Variants in CDH12 observed in about 807,000 individuals in gnomAD.
The protein encoded by CDH12 is cadherin 12.
A neutral mutation model predicts 74.1 loss-of-function variants in CDH12; 41 were observed. The ratio of observed to expected loss-of-function variants is 0.55; its 90% CI spans 0.43 to 0.72. The LOEUF (loss-of-function observed/expected upper bound fraction) is 0.72. CDH12 is among the 30% of genes least tolerant of loss of function. The pLI is 0.00. For missense variants in CDH12, 945 were observed against 977.2 expected, an observed-to-expected ratio of 0.97 and a Z score of 0.44; for synonymous variants, 399 against 355.0, an observed-to-expected ratio of 1.12 and a Z score of -1.39.
intron 1 of CDH12, among the ~76,000 whole-genome samples, chr5:22,759,536 C>G (rs1746100420): frequency 1.3e-5 from 2 of 152,172 alleles, no homozygotes; most frequent in Non-Finnish European, 2.9e-5. Flanking sequence ...ACCATCTCCT[C>G]TCTAGCCCCT....
intron 4 of CDH12, among the ~76,000 whole-genome samples, chr5:22,130,640 A>C (rs1363174888): frequency 6.6e-6 from 1 of 151,880 alleles, no homozygotes; most frequent in African/African-American, 2.4e-5. Flanking sequence ...CTTACTAGAC[A>C]TCATCTGTAA....
At chr5:22,830,569 T>A (rs1736554782) in intron 1 of CDH12, among the ~76,000 whole-genome samples, 3 of 151,828 alleles carry the variant, frequency 2.0e-5, no homozygotes, top group Admixed American at 2.0e-4. Context: ...AATCAAATAG[T>A]TACGTGCTCT....
chr5:22,447,606 GA>G (rs1744865948), intron 2 of CDH12, among the ~76,000 whole-genome samples: 2 of 152,142 alleles, frequency 1.3e-5, no homozygotes, highest in African/African-American at 4.8e-5. Flanking sequence ...CTAGTAACTA[GA>G]TATGCAATTG....
intron 4 of CDH12, among the ~76,000 whole-genome samples, chr5:22,204,178 T>TTG (rs1751083803): frequency 6.8e-6 from 1 of 147,210 alleles, no homozygotes; most frequent in African/African-American, 2.5e-5. Context: ...TTTTTTTTGT[T>TTG]TTTTGTTTTT....
At chr5:22,686,728 C>G (rs568151689) in intron 1 of CDH12, among the ~76,000 whole-genome samples, 6 of 152,246 alleles carry the variant, frequency 3.9e-5, no homozygotes, top group African/African-American at 1.2e-4. Flanking sequence ...GAGTTGTTTT[C>G]AAGATTAAAT....
At chr5:21,954,035 C>G (rs1755986062) in intron 6 of CDH12, among the ~76,000 whole-genome samples, 1 of 151,964 alleles carries the variant, frequency 6.6e-6, no homozygotes, top group Non-Finnish European at 1.5e-5. Context: ...GAAAAGAATT[C>G]TAAGATATAA....
chr5:22,012,571 T>C (rs1249119983), intron 5 of CDH12, among the ~76,000 whole-genome samples: 1 of 152,152 alleles, frequency 6.6e-6, no homozygotes, highest in African/African-American at 2.4e-5. Context: ...AAAATGTCCA[T>C]GTGTTATTCT....
intron 2 of CDH12, among the ~76,000 whole-genome samples, chr5:22,500,168 T>C (rs1325041242): frequency 6.6e-6 from 1 of 152,194 alleles, no homozygotes; most frequent in Non-Finnish European, 1.5e-5. Context: ...AAAGTTTCTA[T>C]CTTCAACACA....
At chr5:22,706,847 C>T (rs1743032723) in intron 1 of CDH12, among the ~76,000 whole-genome samples, 1 of 152,118 alleles carries the variant, frequency 6.6e-6, no homozygotes, top group Non-Finnish European at 1.5e-5. Context: ...TAAATGGTCT[C>T]ATAATATCCT....
intron 2 of CDH12, among the ~76,000 whole-genome samples, chr5:22,466,787 T>C (rs1026161765): frequency 7.9e-6 from 1 of 125,896 alleles, no homozygotes; most frequent in Admixed American, 8.3e-5. Context: ...TTTTTTTTTT[T>C]TTTTTTTTTT....
intron 1 of CDH12, among the ~76,000 whole-genome samples, chr5:22,675,144 C>T (rs540564674): frequency 6.6e-6 from 1 of 152,270 alleles, no homozygotes; most frequent in South Asian, 2.1e-4. Context: ...CTTCCCGTCA[C>T]AGGCCCAGAA....
intron 3 of CDH12, among the ~76,000 whole-genome samples, chr5:22,275,917 C>T (rs556707705): frequency 1.2e-4 from 19 of 152,010 alleles, no homozygotes; most frequent in African/African-American, 4.3e-4. Context: ...TAGTGTCCTG[C>T]ATAGCAAATA....
intron 5 of CDH12, among the ~76,000 whole-genome samples, chr5:22,003,187 T>C (rs1481288764): frequency 6.6e-6 from 1 of 152,124 alleles, no homozygotes; most frequent in Non-Finnish European, 1.5e-5. Context: ...TTCAGTATGA[T>C]GCATGTATAT....
At chr5:22,304,983 A>G (rs912685325) in intron 3 of CDH12, among the ~76,000 whole-genome samples, 1 of 152,240 alleles carries the variant, frequency 6.6e-6, no homozygotes, top group African/African-American at 2.4e-5. Flanking sequence ...TGGCAGAGTC[A>G]ATTCATAAAT....
intron 2 of CDH12, among the ~76,000 whole-genome samples, chr5:22,447,683 T>A (rs943104347): frequency 6.6e-6 from 1 of 152,102 alleles, no homozygotes. Flanking sequence ...GTACTCTTTA[T>A]GAGTAGTTAG....
chr5:22,773,355 C>T (rs1746915069), intron 1 of CDH12, among the ~76,000 whole-genome samples: 1 of 151,930 alleles, frequency 6.6e-6, no homozygotes, highest in Non-Finnish European at 1.5e-5. Flanking sequence ...AGCTGCACAC[C>T]TAGAGCCATC....
chr5:22,222,911 A>G (rs1291587491), intron 3 of CDH12, among the ~76,000 whole-genome samples: 1 of 152,082 alleles, frequency 6.6e-6, no homozygotes, highest in Non-Finnish European at 1.5e-5. Context: ...AATCTGAAGT[A>G]GTTCTAATTA....
chr5:22,307,301 A>G (rs1185879233), intron 3 of CDH12, among the ~76,000 whole-genome samples: 1 of 152,192 alleles, frequency 6.6e-6, no homozygotes, highest in Admixed American at 6.5e-5. Flanking sequence ...AAAATTTACT[A>G]AAAGAATTAT....
intron 2 of CDH12, among the ~76,000 whole-genome samples, chr5:22,482,968 G>T (rs17274349): frequency 0.39 from 59,074 of 151,944 alleles, 11,825 homozygotes; most frequent in Non-Finnish European, 0.44. Context: ...TGCCTAGCTG[G>T]TAATTTAGTC....
Sources: allele counts gnomAD v4.1 joint callset (sites outside exome capture counted in the v4.1 genomes callset), GRCh38; gene constraint gnomAD v4.1.1; transcripts MANE v1.5; gene names NCBI Gene and HGNC (gene_info 2026-07-23, HGNC 2026-07-21).